The following A4GALT variants were observed in gnomAD, a reference collection of about 807,000 sequenced individuals.
A4GALT encodes the protein lactosylceramide 4-alpha-galactosyltransferase.
For missense variants in A4GALT, 512 were observed against 486.0 expected (o/e 1.05, Z -0.50); for synonymous variants, 257 against 220.7 (o/e 1.16, Z -1.46).
chr22:42,700,782 C>G (rs549716661), intron 1 of A4GALT, among the ~76,000 whole-genome samples: 56 of 152,340 alleles, frequency 3.7e-4, no homozygotes, highest in African/African-American at 1.3e-3. Flanking sequence ...TCTCCAGGGC[C>G]CAGCCCACGG....
At chr22:42,695,054 GGGGT>G (rs1930827967) in intron 2 of A4GALT, 1 of 152,130 alleles carries the variant, frequency 6.6e-6, no homozygotes, top group Admixed American at 6.6e-5. Context: ...CCACCTGGCT[GGGGT>G]CCCTGCTCTC....
At chr22:42,719,969 T>C (rs1380747252) in intron 1 of A4GALT, among the ~76,000 whole-genome samples, 4 of 152,146 alleles carry the variant, frequency 2.6e-5, no homozygotes, top group Non-Finnish European at 4.4e-5. Context: ...CAGCCGAGAC[T>C]ATCCAGGTGG....
Position 42,716,032 on chromosome 22 carries a change from A to G in A4GALT, c.-188+4765T>C, listed in dbSNP as rs561159118. On this transcript the variant is annotated intron_variant, in intron 1 of 2. Coordinates refer to ENST00000642412, the MANE Select transcript of A4GALT (RefSeq NM_017436.7). ...TTTTTAGTAGAGATAGGGTTTCTCC[A>G]TGTTGGTCAGGCTGGTCTCGAACTC... 2.0e-5 allele frequency among the ~76,000 whole-genome samples: 3 copies of G among 152,196 alleles called. No individual in the cohort carries two copies. In the South Asian group the frequency reaches 6.2e-4, roughly 32 times the overall value.
chr22:42,706,366 A>G (rs1478290182), intron 1 of A4GALT, among the ~76,000 whole-genome samples: 2 of 151,028 alleles, frequency 1.3e-5, no homozygotes, highest in African/African-American at 4.9e-5. Flanking sequence ...AAAAAAAAAA[A>G]AAAAAAAAAA....
chr22:42,710,760 G>A (rs562602725), intron 1 of A4GALT, among the ~76,000 whole-genome samples: 89 of 151,990 alleles, frequency 5.9e-4, no homozygotes, highest in African/African-American at 1.8e-3. Context: ...TGTGGCTGAC[G>A]CCTATAATCC....
chr22:42,693,582 G>T lies in A4GALT; in HGVS notation c.370C>A (p.Leu124Met), dbSNP rs769360984. The T allele has an allele frequency of 1.2e-6, 2 of 1,613,696 alleles. No homozygotes were observed. The highest frequency in any genetic ancestry group is 1.7e-5 in the Admixed American group (1 of 60,016). The change falls in exon 3 of 3, where the codon CTG (leucine) becomes ATG (methionine). Residue 124 changes from leucine (L) to methionine (M), a missense_variant. Transcript: ENST00000642412. Reference protein sequence around the residue: ...MKGLPGGNASLPRHLGISLLS... With the variant: ...MKGLPGGNASMPRHLGISLLS... ...AGTGAGATGCCCAGGTGCCGGGGCAGAGAGGCGTTGCCACCCGGAAGCCCT... is the reference window on the plus strand; with the variant it reads ...AGTGAGATGCCCAGGTGCCGGGGCATAGAGGCGTTGCCACCCGGAAGCCCT...
At chr22:42,713,540 A>G (rs186760487) in intron 1 of A4GALT, among the ~76,000 whole-genome samples, 77 of 152,304 alleles carry the variant, frequency 5.1e-4, no homozygotes, top group African/African-American at 1.8e-3. Context: ...GGCCGGGCAC[A>G]GTGGCTCACA....
intron 1 of A4GALT, among the ~76,000 whole-genome samples, chr22:42,699,269 G>C (rs1343709768): frequency 6.6e-6 from 1 of 152,064 alleles, no homozygotes; most frequent in Non-Finnish European, 1.5e-5. Flanking sequence ...ATTTTTAGTA[G>C]AGATTTGGTT....
chr22:42,710,787 C>G (rs776473169), intron 1 of A4GALT, among the ~76,000 whole-genome samples: 1 of 151,866 alleles, frequency 6.6e-6, no homozygotes, highest in Non-Finnish European at 1.5e-5. Context: ...TTTGGGAGGC[C>G]AAGGCTGGTG....
rs1316674842 is a variant in A4GALT at position 42,706,073 on chromosome 22, T to A, written c.-187-10442A>T. Among the ~76,000 whole-genome samples the A allele has an allele frequency of 2.4e-5, 2 of 83,352 alleles. 1 individual carries two copies. Among genetic ancestry groups the A allele is most frequent in the Non-Finnish European group, 5.2e-5 (2 of 38,398 alleles). The allele number at this position is 83,352 out of a possible 152,430, so 54.7% of individuals were successfully genotyped here. Reference sequence around the variant, plus strand: ...TCAAAAAAAAAAAAAAAAAAAAAGTTGGCCGGGTGCGGTGGCTCACGCCTG... The same window carrying A: ...TCAAAAAAAAAAAAAAAAAAAAAGTAGGCCGGGTGCGGTGGCTCACGCCTG... On this transcript the variant is annotated intron_variant, in intron 1 of 2. Coordinates refer to ENST00000642412, the MANE Select transcript of A4GALT (RefSeq NM_017436.7).
chr22:42,713,088 T>C (rs1921838043), intron 1 of A4GALT, among the ~76,000 whole-genome samples: 1 of 152,186 alleles, frequency 6.6e-6, no homozygotes, highest in Non-Finnish European at 1.5e-5. Flanking sequence ...CCTCAGTTTC[T>C]TCATCTGTAA....
In A4GALT at chr22:42,692,660, G is replaced by A. The variant is rs1331263831; in HGVS notation, c.*230C>T. The A allele has an allele frequency of 1.5e-6, 1 of 678,090 alleles. No homozygotes were observed. The highest frequency in any genetic ancestry group is 2.7e-6 in the Non-Finnish European group (1 of 371,294). The allele number at this position is 678,090 out of a possible 1,614,324, so 42.0% of individuals were successfully genotyped here. ...CTAGAAGGCCCGGGGCACTCACTGA[G>A]CGCCCTCCGCTGGCTATGGCACCAT... On this transcript the variant is annotated 3_prime_UTR_variant, in exon 3 of 3. Transcript: ENST00000642412. The surrounding 1 kb of genome is among the most constrained non-coding windows in gnomAD (Gnocchi z 4.6).
intron 1 of A4GALT, among the ~76,000 whole-genome samples, chr22:42,715,863 G>A (rs1209786128): frequency 1.6e-5 from 2 of 124,778 alleles, no homozygotes; most frequent in East Asian, 2.7e-4. Flanking sequence ...ATGGAGTTTC[G>A]CTCTTTTTGC....
chr22:42,711,279 G>A (rs1394933905), intron 1 of A4GALT, among the ~76,000 whole-genome samples: 1 of 152,180 alleles, frequency 6.6e-6, no homozygotes, highest in Non-Finnish European at 1.5e-5. Flanking sequence ...TATCAGATCA[G>A]CAAAAATCCA....
chr22:42,692,948 G>A lies in A4GALT; in HGVS notation c.1004C>T (p.Ala335Val). Residue 335 changes from alanine to valine, a missense_variant, in exon 3 of 3, where the codon GCC (alanine) becomes GTC (valine). Coordinates refer to ENST00000642412, the MANE Select transcript of A4GALT (RefSeq NM_017436.7). The surrounding 1 kb of genome is among the most constrained non-coding windows in gnomAD (Gnocchi z 4.6). Reference sequence around the variant, plus strand: ...GGGGCAGTAGCGGGCATGCAGCTGGGCCAGCAGTGCCCTGGACGTGGCCTC... The same window carrying A: ...GGGGCAGTAGCGGGCATGCAGCTGGACCAGCAGTGCCCTGGACGTGGCCTC... ...RFEATSRALL[A>V]QLHARYCPTT... 1 of 1,611,460 alleles carries A rather than the reference G, an allele frequency of 6.2e-7. No individual in the cohort carries two copies. The highest frequency in any genetic ancestry group is 8.5e-7 in the Non-Finnish European group (1 of 1,179,950).
intron 1 of A4GALT, among the ~76,000 whole-genome samples, chr22:42,720,374 C>T (rs1343103090): frequency 6.6e-6 from 1 of 152,194 alleles, no homozygotes; most frequent in Non-Finnish European, 1.5e-5. Context: ...CCGGGGCGAG[C>T]ACCGCCCGAC....
At chr22:42,701,180 T>G (rs1025370753) in intron 1 of A4GALT, among the ~76,000 whole-genome samples, 3 of 152,210 alleles carry the variant, frequency 2.0e-5, no homozygotes, top group Non-Finnish European at 4.4e-5. Flanking sequence ...CAGGACTTTA[T>G]GTGGCCAGGC....
At chr22:42,694,084 C>G in intron 2 of A4GALT, 87 bp from the exon 3 acceptor site, 1 of 852,606 alleles carries the variant, frequency 1.2e-6, no homozygotes, top group Non-Finnish European at 1.8e-6. Context: ...TCAGCCAGAG[C>G]CAAGGCTGGC....
intron 1 of A4GALT, among the ~76,000 whole-genome samples, chr22:42,700,607 C>T (rs1931234869): frequency 6.6e-6 from 1 of 152,198 alleles, no homozygotes; most frequent in Non-Finnish European, 1.5e-5. Context: ...ATTGTGACCC[C>T]AGACCCCTGA....
Sources: allele counts gnomAD v4.1 joint callset (sites outside exome capture counted in the v4.1 genomes callset), GRCh38; gene constraint gnomAD v4.1.1; non-coding constraint Gnocchi (gnomAD v3.1); transcripts MANE v1.5; gene names NCBI Gene and HGNC (gene_info 2026-07-23, HGNC 2026-07-21).